KCNQ1OT1: variants seen among roughly 807,000 people sequenced by gnomAD.
KCNQ1OT1 encodes KCNQ1 antisense RNA 2 (non-protein coding).
Position 2,608,344 on chromosome 11 carries a change from T to C in KCNQ1OT1, n.91651A>G. On this transcript the variant is annotated non_coding_transcript_exon_variant, in exon 1 of 1. Coordinates refer to ENST00000597346, the Ensembl canonical transcript of KCNQ1OT1. The surrounding 1 kb of genome is among the most constrained non-coding windows in gnomAD (Gnocchi z 4.6). The stretch of plus-strand genomic sequence containing the variant: ...CTTATTTCTTAGTCAGTTTTCATAG[T>C]TTTCATCTTTCTAGGAATTTGTCAA... 5.0e-6 allele frequency: 2 copies of C among 398,594 alleles called. No individual in the cohort carries two copies. Among genetic ancestry groups the C allele is most frequent in the Non-Finnish European group, 8.8e-6 (2 of 226,056 alleles). The allele number at this position is 398,594 out of a possible 1,614,324, so 24.7% of individuals were successfully genotyped here. A position where few individuals can be genotyped will look rare whatever the true frequency, so the allele number is the denominator to read the frequency against.
At position 2,686,013 on chromosome 11, in the gene KCNQ1OT1, G is replaced by A. The variant is rs1850483369; in HGVS notation, n.13982C>T. 1.3e-5 allele frequency: 5 copies of A among 398,924 alleles called. No homozygotes were observed. The East Asian group carries it at 1.8e-4, about 14-fold the overall frequency. The allele number at this position is 398,924 out of a possible 1,614,324, so 24.7% of individuals were successfully genotyped here. ...ACTCCACACCAAGAAGAGTCAGGGGGGCTCACTCTAAGCCCCGCCAGCTCG... is the reference window on the plus strand; with the variant it reads ...ACTCCACACCAAGAAGAGTCAGGGGAGCTCACTCTAAGCCCCGCCAGCTCG... On this transcript the variant is annotated non_coding_transcript_exon_variant, in exon 1 of 1. Coordinates refer to ENST00000597346, the Ensembl canonical transcript of KCNQ1OT1.
At chr11:2,667,478 G>T in exon 1 of KCNQ1OT1, 1 of 397,448 alleles carries the variant, frequency 2.5e-6, no homozygotes, top group South Asian at 1.3e-4. Context: ...TGGAGGATGT[G>T]ACAGAGAGAA....
chr11:2,632,483 C>G (rs1849377214), exon 1 of KCNQ1OT1: 1 of 398,390 alleles, frequency 2.5e-6, no homozygotes, highest in Non-Finnish European at 4.4e-6. Flanking sequence ...CATTATGATG[C>G]TCCTTGTGGG....
exon 1 of KCNQ1OT1, chr11:2,616,877 G>A: frequency 1.0e-5 from 4 of 398,014 alleles, no homozygotes; most frequent in Non-Finnish European, 1.3e-5. Flanking sequence ...GTCCATATAT[G>A]TTTGTAGGTC....
exon 1 of KCNQ1OT1, chr11:2,681,221 G>C (rs1290939810): frequency 2.5e-6 from 1 of 398,450 alleles, no homozygotes; most frequent in African/African-American, 2.1e-5. Flanking sequence ...ATGAAGAGTG[G>C]GTAGAAGGAA....
At chr11:2,637,176 T>A (rs1214221046) in exon 1 of KCNQ1OT1, 1 of 152,104 alleles carries the variant, frequency 6.6e-6, no homozygotes, top group African/African-American at 2.4e-5. Flanking sequence ...TGTGTCTCTA[T>A]CTCCTTCAAT....
rs1849691538 is a variant in KCNQ1OT1 at position 2,647,949 on chromosome 11, C to T, written n.52046G>A. On this transcript the variant is annotated non_coding_transcript_exon_variant, in exon 1 of 1. Coordinates refer to ENST00000597346, the Ensembl canonical transcript of KCNQ1OT1. This position sits in a 1 kb window ranked among gnomAD's most constrained non-coding sequence, Gnocchi z 4.0. ...AGTTTTTTGGCTGGGTTTGTTGGCTCACACCTGTAAACCCAGTACTTTGGA... is the reference window on the plus strand; with the variant it reads ...AGTTTTTTGGCTGGGTTTGTTGGCTTACACCTGTAAACCCAGTACTTTGGA... 1.5e-5 allele frequency: 6 copies of T among 397,804 alleles called. No homozygotes were observed. Among genetic ancestry groups the T allele is most frequent in the East Asian group, 3.6e-5 (1 of 28,044 alleles). 24.6% of individuals were successfully genotyped at this position (397,804 alleles called of 1,614,324 possible). A position where few individuals can be genotyped will look rare whatever the true frequency, so the allele number is the denominator to read the frequency against.
chr11:2,676,671 C>A lies in KCNQ1OT1; in HGVS notation n.23324G>T. On this transcript the variant is annotated non_coding_transcript_exon_variant, in exon 1 of 1. Coordinates refer to ENST00000597346, the Ensembl canonical transcript of KCNQ1OT1. The surrounding 1 kb of genome is among the most constrained non-coding windows in gnomAD (Gnocchi z 4.2). ...TAGTTCATTAAGGTCTTGAGTATTT[C>A]CAAGGGAGCACTAACTGGACTACAG... The A allele has an allele frequency of 2.5e-6, 1 of 398,612 alleles. No homozygotes were observed. Among genetic ancestry groups the A allele is most frequent in the East Asian group, 3.6e-5 (1 of 28,080 alleles). 24.7% of individuals were successfully genotyped at this position (398,612 alleles called of 1,614,324 possible). A position where few individuals can be genotyped will look rare whatever the true frequency, so the allele number is the denominator to read the frequency against.
chr11:2,657,639 A>G lies in KCNQ1OT1; in HGVS notation n.42356T>C, dbSNP rs1849873393. 1.3e-5 allele frequency: 5 copies of G among 398,616 alleles called. No individual in the cohort carries two copies. The highest frequency in any genetic ancestry group is 2.2e-5 in the Non-Finnish European group (5 of 226,058). The allele number at this position is 398,616 out of a possible 1,614,324, so 24.7% of individuals were successfully genotyped here. A position where few individuals can be genotyped will look rare whatever the true frequency, so the allele number is the denominator to read the frequency against. ...TGGTACACTATTAAGCTAGAGTTAT[A>G]AATTTATTTGGATTTCCCCAGTTTA... On this transcript the variant is annotated non_coding_transcript_exon_variant, in exon 1 of 1. Coordinates refer to ENST00000597346, the Ensembl canonical transcript of KCNQ1OT1. The surrounding 1 kb of genome is among the most constrained non-coding windows in gnomAD (Gnocchi z 4.8).
chr11:2,665,229 G>A (rs1422908052), exon 1 of KCNQ1OT1: 4 of 398,468 alleles, frequency 1.0e-5, no homozygotes, highest in Middle Eastern at 6.2e-4. Flanking sequence ...TAGGTTGAAT[G>A]GGGCACAAGA....
rs76888915 is a variant in KCNQ1OT1, at chr11:2,657,254, A to G, written n.42741T>C. 0.014 allele frequency: 5,757 copies of G among 398,588 alleles called. 254 individuals carry two copies. The highest frequency in any genetic ancestry group is 0.1 in the African/African-American group (5,021 of 48,712). 24.7% of individuals were successfully genotyped at this position (398,588 alleles called of 1,614,324 possible). On this transcript the variant is annotated non_coding_transcript_exon_variant, in exon 1 of 1. Coordinates refer to ENST00000597346, the Ensembl canonical transcript of KCNQ1OT1. The surrounding 1 kb of genome is among the most constrained non-coding windows in gnomAD (Gnocchi z 4.8). ...AATCAGCTTGCCAAAGTTCTCACAC[A>G]GAAGCCTTGAGATTTTTATTAAGAT...
chr11:2,659,609 G>A lies in KCNQ1OT1; in HGVS notation n.40386C>T. Reference sequence around the variant, plus strand: ...GCGAACATAAAAATTCAATTCACTTGGGTGGGAAAGGAACCGATAGGTCAT... The same window carrying A: ...GCGAACATAAAAATTCAATTCACTTAGGTGGGAAAGGAACCGATAGGTCAT... On this transcript the variant is annotated non_coding_transcript_exon_variant, in exon 1 of 1. Coordinates refer to ENST00000597346, the Ensembl canonical transcript of KCNQ1OT1. The surrounding 1 kb of genome is among the most constrained non-coding windows in gnomAD (Gnocchi z 4.3). 1 of 398,410 alleles carries A rather than the reference G, an allele frequency of 2.5e-6. No homozygotes were observed. Among genetic ancestry groups the A allele is most frequent in the East Asian group, 3.6e-5 (1 of 28,038 alleles). 24.7% of individuals were successfully genotyped at this position (398,410 alleles called of 1,614,324 possible).
rs1849209751 is a variant in KCNQ1OT1 at position 2,623,541 on chromosome 11, C to T, written n.76454G>A. The stretch of plus-strand genomic sequence containing the variant: ...TACAGTATGTAGTTTCTTCAGATTG[C>T]CTTATTTCACATAGTAATATGTTTT... On this transcript the variant is annotated non_coding_transcript_exon_variant, in exon 1 of 1. Coordinates refer to ENST00000597346, the Ensembl canonical transcript of KCNQ1OT1. The surrounding 1 kb of genome is among the most constrained non-coding windows in gnomAD (Gnocchi z 5.2). 2.5e-6 allele frequency: 1 copy of T among 398,434 alleles called. No homozygotes were observed. Among genetic ancestry groups the T allele is most frequent in the African/African-American group, 2.1e-5 (1 of 48,608 alleles). 24.7% of individuals were successfully genotyped at this position (398,434 alleles called of 1,614,324 possible).
Position 2,679,296 on chromosome 11 carries a change from C to A in KCNQ1OT1, n.20699G>T, listed in dbSNP as rs1003358266. On this transcript the variant is annotated non_coding_transcript_exon_variant, in exon 1 of 1. Coordinates refer to ENST00000597346, the Ensembl canonical transcript of KCNQ1OT1. The surrounding 1 kb of genome is among the most constrained non-coding windows in gnomAD (Gnocchi z 4.8). ...ACTAATCCATAGCCAAAGACAGGGGCTAATAACAGGGTCTGGAGTCTGAAC... is the reference window on the plus strand; with the variant it reads ...ACTAATCCATAGCCAAAGACAGGGGATAATAACAGGGTCTGGAGTCTGAAC... The A allele has an allele frequency of 2.3e-5, 9 of 398,494 alleles. No individual in the cohort carries two copies. The highest frequency in any genetic ancestry group is 1.9e-4 in the African/African-American group (9 of 48,620). 24.7% of individuals were successfully genotyped at this position (398,494 alleles called of 1,614,324 possible). A position where few individuals can be genotyped will look rare whatever the true frequency, so the allele number is the denominator to read the frequency against.
At position 2,627,991 on chromosome 11, in the gene KCNQ1OT1, A is replaced by G; in HGVS notation, n.72004T>C. The G allele has an allele frequency of 7.5e-6, 3 of 398,616 alleles. No individual in the cohort carries two copies. The highest frequency in any genetic ancestry group is 4.4e-5 in the Admixed American group (1 of 22,722). The allele number at this position is 398,616 out of a possible 1,614,324, so 24.7% of individuals were successfully genotyped here. Reference sequence around the variant, plus strand: ...GGTCTCAAACTCCTGTGTTCAAGCTATCCTTCACCTTGGCCACCCCCAAGT... The same window carrying G: ...GGTCTCAAACTCCTGTGTTCAAGCTGTCCTTCACCTTGGCCACCCCCAAGT... On this transcript the variant is annotated non_coding_transcript_exon_variant, in exon 1 of 1. Transcript: ENST00000597346. The surrounding 1 kb of genome is among the most constrained non-coding windows in gnomAD (Gnocchi z 4.9).
Position 2,627,150 on chromosome 11 carries a change from G to A in KCNQ1OT1, n.72845C>T, listed in dbSNP as rs1849274453. 1 of 398,328 alleles carries A rather than the reference G, an allele frequency of 2.5e-6. No individual in the cohort carries two copies. The highest frequency in any genetic ancestry group is 2.1e-5 in the African/African-American group (1 of 48,568). The allele number at this position is 398,328 out of a possible 1,614,324, so 24.7% of individuals were successfully genotyped here. A position where few individuals can be genotyped will look rare whatever the true frequency, so the allele number is the denominator to read the frequency against. On this transcript the variant is annotated non_coding_transcript_exon_variant, in exon 1 of 1. Transcript: ENST00000597346. The surrounding 1 kb of genome is among the most constrained non-coding windows in gnomAD (Gnocchi z 4.9). ...GACTTTCACCTCCTTGGTAAAGTTG[G>A]TTCCTAAGTTTGTTATTCTTGATGC... is the stretch of plus-strand genomic sequence containing the variant.
rs530628030 is a variant in KCNQ1OT1, at chr11:2,677,212, T to C, written n.22783A>G. 288 of 398,638 alleles carry C rather than the reference T, an allele frequency of 7.2e-4. No homozygotes were observed. Among genetic ancestry groups the C allele is most frequent in the Middle Eastern group, 3.1e-3 (5 of 1,588 alleles). The allele number at this position is 398,638 out of a possible 1,614,324, so 24.7% of individuals were successfully genotyped here. A position where few individuals can be genotyped will look rare whatever the true frequency, so the allele number is the denominator to read the frequency against. On this transcript the variant is annotated non_coding_transcript_exon_variant, in exon 1 of 1. Transcript: ENST00000597346. This position sits in a 1 kb window ranked among gnomAD's most constrained non-coding sequence, Gnocchi z 4.5. The stretch of plus-strand genomic sequence containing the variant: ...GCTGACTGACCTCTTTGGCTGTCTC[T>C]TGTCAACCAAAGACAATATAAAGCA...
chr11:2,644,870 G>A (rs1175082028), exon 1 of KCNQ1OT1: 1 of 398,656 alleles, frequency 2.5e-6, no homozygotes, highest in Non-Finnish European at 4.4e-6. Flanking sequence ...GTTGTTGGTG[G>A]AGGCTGTGGT....
In KCNQ1OT1 at chr11:2,620,031, A is replaced by G. The variant is rs1849139474; in HGVS notation, n.79964T>C. On this transcript the variant is annotated non_coding_transcript_exon_variant, in exon 1 of 1. Coordinates refer to ENST00000597346, the Ensembl canonical transcript of KCNQ1OT1. This position sits in a 1 kb window ranked among gnomAD's most constrained non-coding sequence, Gnocchi z 4.5. ...CCACCTCTCCATTCCTCCCCCAAGTAGTCCCCAGTGTCTACTGATCATCTT... is the reference window on the plus strand; with the variant it reads ...CCACCTCTCCATTCCTCCCCCAAGTGGTCCCCAGTGTCTACTGATCATCTT... The G allele has an allele frequency of 5.0e-6, 2 of 397,998 alleles. No individual in the cohort carries two copies. Among genetic ancestry groups the G allele is most frequent in the Non-Finnish European group, 8.8e-6 (2 of 226,014 alleles). The allele number at this position is 397,998 out of a possible 1,614,324, so 24.7% of individuals were successfully genotyped here.
Sources: allele counts gnomAD v4.1 joint callset, GRCh38; gene constraint gnomAD v4.1.1; non-coding constraint Gnocchi (gnomAD v3.1); transcripts MANE v1.5; gene names NCBI Gene and HGNC (gene_info 2026-07-23, HGNC 2026-07-21).